Variants in UTRN observed in about 807,000 individuals in gnomAD.
The protein encoded by UTRN is utrophin, also known as dystrophin-related protein 1.
UTRN carries 283 observed loss-of-function variants against 463.9 expected under a neutral mutation model. That is an observed-to-expected ratio of 0.61 (90% CI 0.55 to 0.67). UTRN has a LOEUF of 0.67. UTRN is among the 30% of genes least tolerant of loss of function. The probability of loss-of-function intolerance (pLI) is 0.00; values close to 1 mark genes in which losing one functional copy is unlikely to be tolerated. For missense variants in UTRN, 3,922 were observed against 4,084.3 expected (o/e 0.96, Z 1.08); for synonymous variants, 1,442 against 1,431.5 (o/e 1.01, Z -0.17).
At chr6:144,828,678 C>T in intron 68 of UTRN, 112 bp from the exon 69 acceptor site, 1 of 1,058,706 alleles carries the variant, frequency 9.4e-7, no homozygotes, top group East Asian at 2.6e-5. Context: ...AGATTTGGAT[C>T]TTTCTATGTT....
chr6:144,667,593 G>A (rs899062294), intron 51 of UTRN, among the ~76,000 whole-genome samples: 2 of 152,180 alleles, frequency 1.3e-5, no homozygotes, highest in African/African-American at 2.4e-5. Flanking sequence ...GATATATAGC[G>A]TAAGCATAAA....
chr6:144,344,330 C>G (rs1157983590), intron 2 of UTRN: 1 of 1,303,968 alleles, frequency 7.7e-7, no homozygotes, highest in Non-Finnish European at 1.0e-6. Context: ...TGCACGACTC[C>G]CAGCCAGTGA....
At chr6:144,305,204 G>C (rs968601514) in intron 2 of UTRN, among the ~76,000 whole-genome samples, 2 of 152,150 alleles carry the variant, frequency 1.3e-5, no homozygotes, top group African/African-American at 4.8e-5. Context: ...AATTATGTCA[G>C]CATAGATAAA....
rs767594824 is a variant in UTRN at position 144,557,321 on chromosome 6, A to T, written c.7289+10A>T. 1 of 1,604,896 alleles carries T rather than the reference A, an allele frequency of 6.2e-7. No individual in the cohort carries two copies. The highest frequency in any genetic ancestry group is 1.1e-5 in the South Asian group (1 of 89,718). ...TCAATCTCAAACAAAGGTAAGTCTA[A>T]GGCCCTGGCAGGTAAATGTATATTG... On this transcript the variant is annotated intron_variant, in intron 50 of 74. Transcript: ENST00000367545.
intron 2 of UTRN, among the ~76,000 whole-genome samples, chr6:144,328,243 G>A (rs892834515): frequency 2.6e-5 from 4 of 151,468 alleles, no homozygotes; most frequent in South Asian, 4.2e-4. Context: ...TAAGATATGC[G>A]TAGTGCATAC....
intron 51 of UTRN, among the ~76,000 whole-genome samples, chr6:144,602,671 T>C (rs1438664358): frequency 6.6e-6 from 1 of 152,136 alleles, no homozygotes; most frequent in African/African-American, 2.4e-5. Flanking sequence ...CAGTATCGCC[T>C]CCTCCCACCA....
chr6:144,796,097 TAAGG>T (rs985516134), intron 63 of UTRN, among the ~76,000 whole-genome samples: 1 of 152,156 alleles, frequency 6.6e-6, no homozygotes, highest in Non-Finnish European at 1.5e-5. Context: ...GTGTGAGGTG[TAAGG>T]AAGGGGTTAA....
rs150877230 is a variant in UTRN, at chr6:144,664,007, G to A, written c.7480-14399G>A. On this transcript the variant is annotated intron_variant, in intron 51 of 74. Transcript: ENST00000367545. Reference sequence around the variant, plus strand: ...TGGAGAAGACATTGATCTTATGGCCGAATGGGAGGATACAGACAAGGACAT... The same window carrying A: ...TGGAGAAGACATTGATCTTATGGCCAAATGGGAGGATACAGACAAGGACAT... Among the ~76,000 whole-genome samples, 214 of 152,280 alleles carry A rather than the reference G, an allele frequency of 1.4e-3. 2 individuals are homozygous for A. The highest frequency in any genetic ancestry group is 3.6e-3 in the African/African-American group (149 of 41,562).
intron 61 of UTRN, among the ~76,000 whole-genome samples, chr6:144,783,795 C>G (rs1386763839): frequency 6.6e-6 from 1 of 152,074 alleles, no homozygotes; most frequent in South Asian, 2.1e-4. Flanking sequence ...ATAACAAAGT[C>G]TTTCTAAATA....
intron 21 of UTRN, among the ~76,000 whole-genome samples, chr6:144,460,884 AGAG>A (rs1178277446): frequency 6.6e-6 from 1 of 152,208 alleles, no homozygotes; most frequent in Non-Finnish European, 1.5e-5. Context: ...CTGTTAAGGA[AGAG>A]GAGATTATAT....
chr6:144,321,764 C>T (rs1274141312), intron 2 of UTRN, among the ~76,000 whole-genome samples: 2 of 143,862 alleles, frequency 1.4e-5, no homozygotes, highest in African/African-American at 2.8e-5. Flanking sequence ...GCCACTGTGC[C>T]TGGCCTTTTT....
intron 37 of UTRN, 128 bp downstream of exon 37, chr6:144,514,948 C>T (rs1018972621): frequency 8.4e-6 from 9 of 1,076,472 alleles, no homozygotes; most frequent in South Asian, 3.9e-5. Context: ...TCTCTGTCAC[C>T]GAGGCTGGAG....
intron 73 of UTRN, among the ~76,000 whole-genome samples, chr6:144,843,207 C>T (rs184058893): frequency 6.6e-6 from 1 of 152,146 alleles, no homozygotes; most frequent in Admixed American, 6.5e-5. Context: ...ATTTAAATAT[C>T]ATGGACATTT....
intron 51 of UTRN, among the ~76,000 whole-genome samples, chr6:144,677,866 T>C (rs6914230): frequency 0.049 from 7,428 of 152,294 alleles, 589 homozygotes; most frequent in African/African-American, 0.17. Context: ...GATGAGCTTT[T>C]TTTCATATGT....
At chr6:144,368,234 T>C (rs1010458157) in intron 2 of UTRN, among the ~76,000 whole-genome samples, 1 of 152,194 alleles carries the variant, frequency 6.6e-6, no homozygotes, top group African/African-American at 2.4e-5. Flanking sequence ...ATTCTGGCCA[T>C]TGATTTCTTC....
chr6:144,305,536 G>A (rs73585093), intron 2 of UTRN, among the ~76,000 whole-genome samples: 9,207 of 152,258 alleles, frequency 0.06, 912 homozygotes, highest in African/African-American at 0.21. Flanking sequence ...TTGGAAGTAG[G>A]ATTTGAGACA....
Position 144,739,964 on chromosome 6 carries a change from G to T in UTRN, c.7940-8282G>T, listed in dbSNP as rs1011627473. On this transcript the variant is annotated intron_variant, in intron 54 of 74. Coordinates refer to ENST00000367545, the MANE Select transcript of UTRN (RefSeq NM_007124.3). The stretch of plus-strand genomic sequence containing the variant: ...TAGTAAATGCAGACATTCCCAACAA[G>T]CCAGAATTTCACAGGTGCTGACCAT... Among the ~76,000 whole-genome samples, 7 of 152,290 alleles carry T rather than the reference G, an allele frequency of 4.6e-5. 1 individual carries two copies. The East Asian group carries it at 1.4e-3, about 29-fold the overall frequency.
intron 2 of UTRN, among the ~76,000 whole-genome samples, chr6:144,370,766 A>C (rs978611877): frequency 6.6e-6 from 1 of 152,234 alleles, no homozygotes; most frequent in African/African-American, 2.4e-5. Flanking sequence ...GGAGCTGCCC[A>C]AGACCATGGG....
At position 144,451,495 on chromosome 6, in the gene UTRN, TA is replaced by T. The variant is rs761432803; in HGVS notation, c.2196+8del. The T allele has an allele frequency of 1.2e-6, 2 of 1,609,004 alleles. No individual in the cohort carries two copies. The highest frequency in any genetic ancestry group is 1.7e-6 in the Non-Finnish European group (2 of 1,178,576). On this transcript the variant is annotated splice_donor_region_variant and intron_variant, in intron 18 of 74. Transcript: ENST00000367545. The stretch of plus-strand genomic sequence containing the variant: ...TCCGAAATGAAAAAGAAGTTGAAGG[TA>T]AAAAACATAAACCACATATATCCTA...
Sources: allele counts gnomAD v4.1 joint callset (sites outside exome capture counted in the v4.1 genomes callset), GRCh38; gene constraint gnomAD v4.1.1; transcripts MANE v1.5; gene names NCBI Gene and HGNC (gene_info 2026-07-23, HGNC 2026-07-21).